The following FABP12 variants were observed in gnomAD, a reference collection of about 807,000 sequenced individuals.
The protein encoded by FABP12 is fatty acid binding protein 12.
Under a neutral mutation model 13.7 loss-of-function variants are expected in FABP12, and 19 were observed. That is an observed-to-expected ratio of 1.39 (90% CI 0.97 to 2.04). FABP12 has a LOEUF of 2.04. Among genes scored for constraint, FABP12 ranks in the 30% most tolerant of loss-of-function variants. The probability of loss-of-function intolerance (pLI) is 0.00; values close to 1 mark genes in which losing one functional copy is unlikely to be tolerated. For synonymous variants in FABP12, 61 were observed against 57.0 expected (o/e 1.07, Z -0.32); for missense variants, 182 against 164.2 (o/e 1.11, Z -0.59).
At chr8:81,572,122 C>T (rs187567946) in intron 1 of FABP12, among the ~76,000 whole-genome samples, 8 of 151,196 alleles carry the variant, frequency 5.3e-5, no homozygotes, top group Non-Finnish European at 5.9e-5. Context: ...CTCTTCCCCC[C>T]CAAGTCCCCA....
At chr8:81,557,866 A>G (rs1033648540) in intron 1 of FABP12, among the ~76,000 whole-genome samples, 2 of 152,190 alleles carry the variant, frequency 1.3e-5, no homozygotes, top group Non-Finnish European at 2.9e-5. Context: ...ATACAGGCCT[A>G]ATCAGATGAC....
intron 1 of FABP12, among the ~76,000 whole-genome samples, chr8:81,572,052 A>C (rs1296960303): frequency 6.6e-6 from 1 of 152,044 alleles, no homozygotes; most frequent in African/African-American, 2.4e-5. Context: ...TGGTGCACCC[A>C]TCCCCCGAGC....
chr8:81,538,569 C>T (rs563887413), upstream of FABP12, among the ~76,000 whole-genome samples: 7 of 152,254 alleles, frequency 4.6e-5, no homozygotes, highest in South Asian at 2.1e-4. Context: ...TAGCAATTGA[C>T]GAGCTGCCAT....
At chr8:81,529,396 C>A (rs756913197) in intron 3 of FABP12, 42 bp downstream of exon 3, 1 of 1,595,436 alleles carries the variant, frequency 6.3e-7, no homozygotes, top group African/African-American at 1.3e-5. Context: ...ATCTGACTAA[C>A]ATTCTTTTGA....
chr8:81,574,563 C>T lies in FABP12; in HGVS notation c.-185+15490G>A, dbSNP rs148825452. ...TCTTTGAATGTCTGGTAGAATTCTGCTGTGAATCATCTGGTCCTGGATTTT... is the reference window on the plus strand; with the variant it reads ...TCTTTGAATGTCTGGTAGAATTCTGTTGTGAATCATCTGGTCCTGGATTTT... On this transcript the variant is annotated intron_variant, in intron 1 of 5. Transcript: ENST00000692030. Among the ~76,000 whole-genome samples the T allele has an allele frequency of 9.2e-5, 14 of 152,160 alleles. No homozygotes were observed. In the East Asian group the frequency reaches 2.7e-3, roughly 29 times the overall value.
intron 3 of FABP12, among the ~76,000 whole-genome samples, chr8:81,528,448 A>T (rs997380707): frequency 1.3e-5 from 2 of 152,096 alleles, no homozygotes; most frequent in Admixed American, 6.6e-5. Context: ...TAAGTCAAAA[A>T]TTTTCTTCCA....
At chr8:81,587,475 G>A (rs544087666) in intron 1 of FABP12, among the ~76,000 whole-genome samples, 2 of 152,128 alleles carry the variant, frequency 1.3e-5, no homozygotes, top group East Asian at 3.9e-4. Flanking sequence ...TCTGAACAGT[G>A]TTTTGTAATT....
chr8:81,580,003 T>TA (rs1295678353), intron 1 of FABP12, among the ~76,000 whole-genome samples: 7 of 152,150 alleles, frequency 4.6e-5, no homozygotes, highest in Non-Finnish European at 7.4e-5. Context: ...TTAAAATTTG[T>TA]AAAAAACAAT....
chr8:81,544,650 G>GA (rs74624951), intron 1 of FABP12, among the ~76,000 whole-genome samples: 69 of 137,954 alleles, frequency 5.0e-4, no homozygotes, highest in African/African-American at 8.8e-4. Flanking sequence ...CAGTTAAAAA[G>GA]AAAAAAAAAA....
At chr8:81,578,838 T>TTTTTTTTTTTTTTTTTTA (rs1563558516) in intron 1 of FABP12, among the ~76,000 whole-genome samples, 8 of 144,246 alleles carry the variant, frequency 5.5e-5, no homozygotes, top group African/African-American at 2.1e-4. Flanking sequence ...TTTTTTTTTT[T>TTTTTTTTTTTTTTTTTTA]TTTTGAGAAG....
At chr8:81,545,917 C>T (rs1809428436) in intron 1 of FABP12, among the ~76,000 whole-genome samples, 1 of 152,164 alleles carries the variant, frequency 6.6e-6, no homozygotes, top group African/African-American at 2.4e-5. Flanking sequence ...CACTCTCTAC[C>T]TGAATGCAGC....
At chr8:81,579,202 T>G (rs1308413779) in intron 1 of FABP12, among the ~76,000 whole-genome samples, 1 of 152,032 alleles carries the variant, frequency 6.6e-6, no homozygotes, top group Admixed American at 6.6e-5. Flanking sequence ...AGAAAAACTT[T>G]TTTTTTTTGC....
chr8:81,577,524 T>C (rs180916551), intron 1 of FABP12, among the ~76,000 whole-genome samples: 2 of 151,770 alleles, frequency 1.3e-5, no homozygotes, highest in Admixed American at 1.3e-4. Context: ...TTTGGGAGGC[T>C]GAGGTGGGCA....
At chr8:81,533,351 A>G (rs1294038697) in intron 1 of FABP12, 2 of 152,148 alleles carry the variant, frequency 1.3e-5, no homozygotes, top group African/African-American at 4.8e-5. Context: ...AAATCTTCAC[A>G]TATTTTGCCC....
intron 1 of FABP12, chr8:81,532,992 A>T (rs1809117789): frequency 6.6e-6 from 1 of 152,250 alleles, no homozygotes; most frequent in African/African-American, 2.4e-5. Context: ...TACAATTCCC[A>T]GGATTTTTCA....
At chr8:81,538,361 G>A (rs1014652786), upstream of FABP12, among the ~76,000 whole-genome samples, 14 of 152,146 alleles carry the variant, frequency 9.2e-5, no homozygotes, top group Non-Finnish European at 1.9e-4. Context: ...CAAAAGATAC[G>A]TTCAAGCCTT....
In FABP12 at chr8:81,589,969, CATAT is replaced by C. The variant is rs371333016; in HGVS notation, c.-185+80_-185+83del. ...TCCAGACAACATTGTATTATTTACA[CATAT>C]ATAATCAGTTCAAAAGGCATTTCTA... On this transcript the variant is annotated intron_variant, in intron 1 of 5. Coordinates refer to the FABP12 transcript ENST00000692030. Among the ~76,000 whole-genome samples the C allele has an allele frequency of 7.9e-5, 12 of 152,292 alleles. 1 individual carries two copies. The highest frequency in any genetic ancestry group is 2.6e-4 in the African/African-American group (11 of 41,564).
At chr8:81,583,117 A>G (rs1033566779) in intron 1 of FABP12, among the ~76,000 whole-genome samples, 4 of 152,224 alleles carry the variant, frequency 2.6e-5, no homozygotes, top group African/African-American at 9.6e-5. Flanking sequence ...GGGTCAAGGA[A>G]GAAGTTAATG....
At chr8:81,556,569 C>A (rs963157563) in intron 1 of FABP12, among the ~76,000 whole-genome samples, 1 of 139,102 alleles carries the variant, frequency 7.2e-6, no homozygotes, top group Non-Finnish European at 1.6e-5. Flanking sequence ...TGGTAAAAGG[C>A]TTTTTTTGTC....
Sources: gnomAD v4.1 joint callset for allele counts (sites outside exome capture counted in the v4.1 genomes callset) on GRCh38, gnomAD v4.1.1 for gene constraint, MANE v1.5 for transcripts, NCBI Gene and HGNC (gene_info 2026-07-23, HGNC 2026-07-21) for gene names.